CTNNA3: variants seen among roughly 807,000 people sequenced by gnomAD.
CTNNA3 encodes the protein catenin alpha 3, also known as catenin alpha-3.
Under a neutral mutation model 95.7 loss-of-function variants are expected in CTNNA3, and 76 were observed. That is an observed-to-expected ratio of 0.79 (90% confidence interval 0.66 to 0.96). The LOEUF is 0.96. CTNNA3 is among the 40% of genes least tolerant of loss of function. The pLI, the probability that CTNNA3 is intolerant of heterozygous loss-of-function variation, is 0.00. For synonymous variants in CTNNA3, 431 were observed against 374.4 expected, an observed-to-expected ratio of 1.15 and a Z score of -1.74; for missense variants, 1,191 against 1,089.8, an observed-to-expected ratio of 1.09 and a Z score of -1.31.
At chr10:66,602,488 TATTTAGCTCC>T (rs2132261372) in intron 10 of CTNNA3, among the ~76,000 whole-genome samples, 1 of 151,976 alleles carries the variant, frequency 6.6e-6, no homozygotes, top group South Asian at 2.1e-4. Flanking sequence ...CTCATACTAA[TATTTAGCTCC>T]ACAAGCTTGA....
intron 7 of CTNNA3, among the ~76,000 whole-genome samples, chr10:66,835,023 T>C (rs928978849): frequency 6.6e-6 from 1 of 152,166 alleles, no homozygotes; most frequent in Non-Finnish European, 1.5e-5. Context: ...TGAGGAAGCA[T>C]CTGAGTTTCA....
chr10:67,397,737 C>G, intron 5 of CTNNA3, among the ~76,000 whole-genome samples: 1 of 152,200 alleles, frequency 6.6e-6, no homozygotes, highest in East Asian at 1.9e-4. Context: ...ATTTCATGGG[C>G]AGAGCCCAGG....
At chr10:67,687,820 A>C (rs2133581324) in intron 1 of CTNNA3, among the ~76,000 whole-genome samples, 1 of 152,268 alleles carries the variant, frequency 6.6e-6, no homozygotes, top group South Asian at 2.1e-4. Flanking sequence ...ATCATTGAAT[A>C]ATTCACAGGC....
intron 7 of CTNNA3, among the ~76,000 whole-genome samples, chr10:66,845,754 T>TACACACACACACACACACACACAC (rs140313786): frequency 3.7e-5 from 4 of 108,632 alleles, no homozygotes; most frequent in Non-Finnish European, 5.7e-5. Context: ...TATATATACA[T>TACACACACACACACACACACACAC]ACACACACAC....
chr10:67,581,103 G>C (rs1373129089), intron 3 of CTNNA3, among the ~76,000 whole-genome samples: 1 of 152,200 alleles, frequency 6.6e-6, no homozygotes, highest in Admixed American at 6.5e-5. Context: ...ATGTTGAATA[G>C]GAGTGGTGAG....
At chr10:65,995,687 G>T (rs895975155) in intron 15 of CTNNA3, among the ~76,000 whole-genome samples, 2 of 152,226 alleles carry the variant, frequency 1.3e-5, no homozygotes, top group Non-Finnish European at 2.9e-5. Flanking sequence ...AAGTTCCTGG[G>T]TAGCATGCAT....
chr10:66,524,406 G>A (rs35338318), intron 10 of CTNNA3, among the ~76,000 whole-genome samples: 4,049 of 152,146 alleles, frequency 0.027, 220 homozygotes, highest in East Asian at 0.22. Flanking sequence ...ACACTGAGAG[G>A]ACAGCCACAG....
chr10:66,526,058 G>T (rs1333785450), intron 10 of CTNNA3, among the ~76,000 whole-genome samples: 2 of 152,130 alleles, frequency 1.3e-5, no homozygotes, highest in African/African-American at 2.4e-5. Context: ...ATCTGTCAGT[G>T]GACATTGGGT....
intron 9 of CTNNA3, among the ~76,000 whole-genome samples, chr10:66,623,238 G>A (rs920769290): frequency 2.0e-5 from 3 of 151,900 alleles, no homozygotes; most frequent in Admixed American, 1.3e-4. Context: ...CTGTAAAATT[G>A]AGCACTGTTT....
chr10:66,623,335 G>C (rs1844817353), intron 9 of CTNNA3, among the ~76,000 whole-genome samples: 1 of 152,006 alleles, frequency 6.6e-6, no homozygotes, highest in Non-Finnish European at 1.5e-5. Context: ...CCAAAGCTTA[G>C]AAATTATAAA....
intron 9 of CTNNA3, among the ~76,000 whole-genome samples, chr10:66,627,678 G>T (rs2132334064): frequency 6.6e-6 from 1 of 152,100 alleles, no homozygotes; most frequent in East Asian, 1.9e-4. Flanking sequence ...CTGCCTCTGG[G>T]TTTAGTCAGC....
intron 7 of CTNNA3, among the ~76,000 whole-genome samples, chr10:67,076,451 A>AGACC (rs1030469861): frequency 3.9e-5 from 6 of 152,230 alleles, no homozygotes; most frequent in Admixed American, 3.3e-4. Flanking sequence ...AAATGTAGGA[A>AGACC]GACCAATACA....
intron 13 of CTNNA3, among the ~76,000 whole-genome samples, chr10:66,189,600 T>TTTTATATATATGTATATATATATATATA (rs1554883869): frequency 2.2e-5 from 2 of 89,356 alleles, no homozygotes; most frequent in African/African-American, 9.3e-5. Context: ...TACTATAGAT[T>TTTTATATATATGTATATATATATATATA]TATATATATA....
intron 7 of CTNNA3, among the ~76,000 whole-genome samples, chr10:66,930,714 T>A (rs1847331016): frequency 6.6e-6 from 1 of 152,162 alleles, no homozygotes; most frequent in Non-Finnish European, 1.5e-5. Flanking sequence ...TCAAAGCTAC[T>A]TGGAATATAA....
At chr10:67,134,555 T>C (rs7071587) in intron 7 of CTNNA3, among the ~76,000 whole-genome samples, 2,900 of 152,212 alleles carry the variant, frequency 0.019, 103 homozygotes, top group African/African-American at 0.066. Flanking sequence ...CCTCAATTCC[T>C]GCTTGTTACA....
At chr10:66,583,299 T>TTTGTTGTTGTTGTTGTTGTTG (rs139169263) in intron 10 of CTNNA3, among the ~76,000 whole-genome samples, 1 of 150,454 alleles carries the variant, frequency 6.6e-6, no homozygotes, top group East Asian at 2.0e-4. Flanking sequence ...TGTTTTGGTT[T>TTTGTTGTTGTTGTTGTTGTTG]TTGTTGTTGT....
At chr10:67,539,726 G>A in intron 3 of CTNNA3, 57 bp from the exon 4 acceptor site, 1 of 1,487,680 alleles carries the variant, frequency 6.7e-7, no homozygotes, top group Non-Finnish European at 9.3e-7. Flanking sequence ...GCCTATTTCA[G>A]GATTTATCAG....
chr10:66,133,393 T>C (rs2083209787), intron 13 of CTNNA3, among the ~76,000 whole-genome samples: 1 of 151,920 alleles, frequency 6.6e-6, no homozygotes, highest in Non-Finnish European at 1.5e-5. Context: ...CAGCCGCCTG[T>C]CATCCCAGCT....
At chr10:66,546,766 G>C (rs1405589045) in intron 10 of CTNNA3, among the ~76,000 whole-genome samples, 2 of 152,126 alleles carry the variant, frequency 1.3e-5, no homozygotes, top group Non-Finnish European at 2.9e-5. Flanking sequence ...TCCCACTCTT[G>C]ACACGTGGAA....
Sources: gnomAD v4.1 joint callset for allele counts (sites outside exome capture counted in the v4.1 genomes callset) on GRCh38, gnomAD v4.1.1 for gene constraint, MANE v1.5 for transcripts, NCBI Gene and HGNC (gene_info 2026-07-23, HGNC 2026-07-21) for gene names.